The following LHFPL6 variants were observed in gnomAD, a reference collection of about 807,000 sequenced individuals.
The protein encoded by LHFPL6 is LHFPL tetraspan subfamily member 6, also known as LHFPL tetraspan subfamily member 6 protein.
LHFPL6 carries 9 observed loss-of-function variants against 20.6 expected under a neutral mutation model. The ratio of observed to expected loss-of-function variants is 0.44; its 90% CI spans 0.26 to 0.76. The LOEUF (loss-of-function observed/expected upper bound fraction) is 0.76, where lower values mean the gene tolerates loss of function less well. LHFPL6 is among the 30% of genes least tolerant of loss of function. LHFPL6 has a pLI of 0.20. For synonymous variants in LHFPL6, 105 were observed against 98.7 expected (o/e 1.06, Z -0.38); for missense variants, 218 against 253.5 (o/e 0.86, Z 0.95).
At chr13:39,463,073 G>A (rs1480014526) in intron 2 of LHFPL6, among the ~76,000 whole-genome samples, 4 of 152,174 alleles carry the variant, frequency 2.6e-5, no homozygotes, top group Admixed American at 6.5e-5. Context: ...CCCATAAGGC[G>A]ATCTCTGGCA....
chr13:39,568,774 G>A (rs1871810062), intron 2 of LHFPL6, among the ~76,000 whole-genome samples: 1 of 152,122 alleles, frequency 6.6e-6, no homozygotes, highest in African/African-American at 2.4e-5. Context: ...CAGTTTAGGT[G>A]GAGGCCAGTG....
At chr13:39,524,599 G>A (rs1454209845) in intron 2 of LHFPL6, among the ~76,000 whole-genome samples, 2 of 152,148 alleles carry the variant, frequency 1.3e-5, no homozygotes, top group African/African-American at 2.4e-5. Context: ...AAAGGGAAGA[G>A]GTATCCGGTC....
At chr13:39,576,108 C>A (rs984281429) in intron 2 of LHFPL6, among the ~76,000 whole-genome samples, 1 of 152,206 alleles carries the variant, frequency 6.6e-6, no homozygotes, top group African/African-American at 2.4e-5. Flanking sequence ...ACCAGTGGCT[C>A]TTTGGCAATT....
chr13:39,512,278 T>C (rs577141855), intron 2 of LHFPL6, among the ~76,000 whole-genome samples: 3 of 152,262 alleles, frequency 2.0e-5, no homozygotes, highest in African/African-American at 4.8e-5. Flanking sequence ...TGCCTTTCCT[T>C]CCTTATTTTC....
At chr13:39,365,791 T>C (rs763002132) in intron 3 of LHFPL6, among the ~76,000 whole-genome samples, 1 of 152,214 alleles carries the variant, frequency 6.6e-6, no homozygotes, top group Non-Finnish European at 1.5e-5. Context: ...GGCAGGATTC[T>C]GTTCTCTTTG....
intron 2 of LHFPL6, among the ~76,000 whole-genome samples, chr13:39,491,448 C>T (rs1868923270): frequency 6.6e-6 from 1 of 152,166 alleles, no homozygotes; most frequent in African/African-American, 2.4e-5. Context: ...TTAGAGGGCT[C>T]TGAAGGCCTG....
intron 2 of LHFPL6, among the ~76,000 whole-genome samples, chr13:39,385,294 C>T (rs1430856146): frequency 2.0e-5 from 3 of 152,250 alleles, no homozygotes; most frequent in Non-Finnish European, 4.4e-5. Flanking sequence ...TTGACTACTA[C>T]ACCATTTCCT....
chr13:39,348,612 C>T (rs571203441), intron 3 of LHFPL6, among the ~76,000 whole-genome samples: 1 of 152,290 alleles, frequency 6.6e-6, no homozygotes, highest in South Asian at 2.1e-4. Context: ...AACTCAAATC[C>T]TCATCTCAGG....
intron 2 of LHFPL6, among the ~76,000 whole-genome samples, chr13:39,501,070 CTCTA>C (rs1277967466): frequency 6.6e-6 from 1 of 152,180 alleles, no homozygotes; most frequent in Non-Finnish European, 1.5e-5. Context: ...TCATCCTTTC[CTCTA>C]TCTTAGTTGT....
intron 2 of LHFPL6, among the ~76,000 whole-genome samples, chr13:39,458,470 G>A (rs1006539884): frequency 6.6e-6 from 1 of 152,144 alleles, no homozygotes; most frequent in African/African-American, 2.4e-5. Flanking sequence ...GCTGAGGTGG[G>A]TGGATCACTT....
At chr13:39,506,455 G>C (rs1346030833) in intron 2 of LHFPL6, among the ~76,000 whole-genome samples, 1 of 152,194 alleles carries the variant, frequency 6.6e-6, no homozygotes, top group Non-Finnish European at 1.5e-5. Context: ...GCTCTTCTGA[G>C]CAGTGGAAAC....
intron 2 of LHFPL6, among the ~76,000 whole-genome samples, chr13:39,408,940 C>A (rs1426103419): frequency 6.6e-6 from 1 of 152,156 alleles, no homozygotes; most frequent in African/African-American, 2.4e-5. Flanking sequence ...CCAAAGCCAC[C>A]TGAATGTTTT....
chr13:39,379,080 TCCACGC>T, intron 2 of LHFPL6, among the ~76,000 whole-genome samples: 1 of 119,922 alleles, frequency 8.3e-6, no homozygotes, highest in Middle Eastern at 4.7e-3. Context: ...TCACTGAGCA[TCCACGC>T]ATCTCAGAAA....
At chr13:39,393,108 G>T (rs924615457) in intron 2 of LHFPL6, among the ~76,000 whole-genome samples, 1 of 152,138 alleles carries the variant, frequency 6.6e-6, no homozygotes, top group East Asian at 1.9e-4. Context: ...TTTACATGAG[G>T]GACTTGAACA....
chr13:39,531,125 A>G (rs1341554275), intron 2 of LHFPL6, among the ~76,000 whole-genome samples: 2 of 152,252 alleles, frequency 1.3e-5, no homozygotes, highest in Admixed American at 1.3e-4. Context: ...CAGCTAATAA[A>G]CAAACTTCAG....
chr13:39,359,864 T>TATTA (rs898964598), intron 3 of LHFPL6, among the ~76,000 whole-genome samples: 3 of 152,208 alleles, frequency 2.0e-5, no homozygotes, highest in African/African-American at 7.2e-5. Flanking sequence ...TTCTGTTATT[T>TATTA]ATTATCAGAT....
intron 2 of LHFPL6, among the ~76,000 whole-genome samples, chr13:39,387,018 G>A (rs1338676099): frequency 6.6e-6 from 1 of 152,132 alleles, no homozygotes; most frequent in African/African-American, 2.4e-5. Flanking sequence ...TCTCCTGTGA[G>A]CTGCTATTTT....
At chr13:39,505,820 G>A (rs1317502035) in intron 2 of LHFPL6, among the ~76,000 whole-genome samples, 1 of 151,940 alleles carries the variant, frequency 6.6e-6, no homozygotes. Flanking sequence ...TAGAGTGAAG[G>A]GTATTATCCA....
chr13:39,591,547 C>A (rs556478910), intron 2 of LHFPL6, among the ~76,000 whole-genome samples: 1 of 152,184 alleles, frequency 6.6e-6, no homozygotes, highest in Non-Finnish European at 1.5e-5. Context: ...CAATGATTCA[C>A]TCTAAGCTTA....
Sources: gnomAD v4.1 joint callset for allele counts (sites outside exome capture counted in the v4.1 genomes callset) on GRCh38, gnomAD v4.1.1 for gene constraint, MANE v1.5 for transcripts, NCBI Gene and HGNC (gene_info 2026-07-23, HGNC 2026-07-21) for gene names.